The following SBF2 variants were observed in gnomAD, a reference collection of about 807,000 sequenced individuals.
SBF2 encodes the protein SET binding factor 2.
SBF2 carries 112 observed loss-of-function variants against 225.2 expected under a neutral mutation model. The ratio of observed to expected loss-of-function variants is 0.50; its 90% confidence interval spans 0.43 to 0.58. The LOEUF is 0.58. Among genes scored for constraint, SBF2 ranks in the 20% least tolerant of loss-of-function variants. The pLI, the probability that SBF2 is intolerant of heterozygous loss-of-function variation, is 0.00. For synonymous variants in SBF2, 763 were observed against 773.3 expected, an observed-to-expected ratio of 0.99 and a Z score of 0.22; for missense variants, 1,996 against 2,206.2, an observed-to-expected ratio of 0.90 and a Z score of 1.91.
At chr11:9,874,799 C>T (rs1204450108) in intron 17 of SBF2, among the ~76,000 whole-genome samples, 1 of 152,140 alleles carries the variant, frequency 6.6e-6, no homozygotes, top group African/African-American at 2.4e-5. Context: ...AAGCTCCTAG[C>T]TTAAGTTTAT....
rs562442446 is a variant in SBF2, at chr11:9,909,443, G to A, written c.1861-13432C>T. Among the ~76,000 whole-genome samples the A allele has an allele frequency of 4.5e-4, 68 of 152,014 alleles. 1 individual carries two copies. Among genetic ancestry groups the A allele is most frequent in the African/African-American group, 1.6e-3 (65 of 41,500 alleles). On this transcript the variant is annotated intron_variant, in intron 16 of 39. Coordinates refer to ENST00000256190, the MANE Select transcript of SBF2 (RefSeq NM_030962.4). ...TCCCAGCACTTTGGGAGGCCGAGGC[G>A]GGTGGATCATGAGGTCAGGAGATCG...
intron 1 of SBF2, among the ~76,000 whole-genome samples, chr11:10,249,690 A>G (rs1180350297): frequency 6.6e-6 from 1 of 150,988 alleles, no homozygotes; most frequent in East Asian, 2.0e-4. Flanking sequence ...CTGACTTCTA[A>G]CTTTGGAATG....
chr11:9,975,512 T>TG (rs1271231023), intron 13 of SBF2, among the ~76,000 whole-genome samples: 3 of 152,158 alleles, frequency 2.0e-5, no homozygotes, highest in African/African-American at 4.8e-5. Flanking sequence ...TAAGGAACTT[T>TG]GGGGGAGTGA....
intron 1 of SBF2, among the ~76,000 whole-genome samples, chr11:10,258,190 A>T (rs1352225798): frequency 4.0e-5 from 6 of 151,686 alleles, no homozygotes; most frequent in African/African-American, 1.5e-4. Flanking sequence ...TTGCATCCTC[A>T]AACTCCTGGG....
chr11:10,029,604 T>C (rs1398025669), intron 5 of SBF2, among the ~76,000 whole-genome samples, 161 bp downstream of exon 5: 1 of 152,212 alleles, frequency 6.6e-6, no homozygotes, highest in Non-Finnish European at 1.5e-5. Flanking sequence ...CTTGAGTGTC[T>C]AGAAAGCAGA....
At chr11:9,980,518 T>C (rs781440039) in intron 13 of SBF2, among the ~76,000 whole-genome samples, 2 of 152,266 alleles carry the variant, frequency 1.3e-5, no homozygotes, top group Non-Finnish European at 2.9e-5. Context: ...TCCCTTAATA[T>C]TACTGGCAGA....
intron 6 of SBF2, among the ~76,000 whole-genome samples, chr11:10,012,472 A>G (rs1174734590): frequency 6.6e-6 from 1 of 152,122 alleles, no homozygotes; most frequent in Non-Finnish European, 1.5e-5. Context: ...TCAATCTATA[A>G]TATCTATTTG....
intron 4 of SBF2, 54 bp from the exon 5 acceptor site, chr11:10,029,929 ATTG>A: frequency 8.1e-7 from 1 of 1,238,834 alleles, no homozygotes; most frequent in Non-Finnish European, 1.2e-6. Context: ...TTAAAAATAA[ATTG>A]TTATGACATC....
chr11:9,953,065 C>T (rs1229584989), intron 16 of SBF2, among the ~76,000 whole-genome samples: 1 of 152,238 alleles, frequency 6.6e-6, no homozygotes, highest in Non-Finnish European at 1.5e-5. Context: ...GATTCCTGCA[C>T]ATGAATGTTT....
In SBF2 at chr11:9,896,015, TAAGCAAAACA is replaced by T; in HGVS notation, c.1861-14_1861-5del. 6.2e-7 allele frequency: 1 copy of T among 1,610,802 alleles called. No individual in the cohort carries two copies. The highest frequency in any genetic ancestry group is 8.5e-7 in the Non-Finnish European group (1 of 1,177,318). ...ATTCTTCTAAACTTGAACAATCCTT[TAAGCAAAACA>T]AAGACAAAAGAGCATTAGGATATTT... On this transcript the variant is annotated splice_polypyrimidine_tract_variant and splice_region_variant and intron_variant, in intron 16 of 39. Coordinates refer to ENST00000256190, the MANE Select transcript of SBF2 (RefSeq NM_030962.4).
chr11:9,955,050 T>A (rs1866072714), intron 16 of SBF2, among the ~76,000 whole-genome samples: 1 of 152,064 alleles, frequency 6.6e-6, no homozygotes, highest in Admixed American at 6.5e-5. Context: ...GCTTTTCTTT[T>A]AGGGCAAGTT....
At chr11:10,133,962 A>T (rs1954226286) in intron 2 of SBF2, among the ~76,000 whole-genome samples, 1 of 152,254 alleles carries the variant, frequency 6.6e-6, no homozygotes, top group South Asian at 2.1e-4. Context: ...TGATAGGAAC[A>T]TCTTACGTAA....
At chr11:9,919,847 T>C (rs1863457260) in intron 16 of SBF2, among the ~76,000 whole-genome samples, 1 of 152,114 alleles carries the variant, frequency 6.6e-6, no homozygotes, top group Non-Finnish European at 1.5e-5. Flanking sequence ...TTCTCCTGCC[T>C]CAGCCTCTCA....
chr11:10,141,423 C>A (rs1019114850), intron 2 of SBF2, among the ~76,000 whole-genome samples: 1 of 152,160 alleles, frequency 6.6e-6, no homozygotes, highest in African/African-American at 2.4e-5. Flanking sequence ...GAGGCCATCT[C>A]CCCCTCTCTC....
In SBF2 at chr11:10,042,221, T is replaced by C. The variant is rs186465545; in HGVS notation, c.279+623A>G. Among the ~76,000 whole-genome samples the C allele has an allele frequency of 3.8e-3, 585 of 152,322 alleles. 4 individuals carry two copies. Among genetic ancestry groups the C allele is most frequent in the South Asian group, 5.2e-3 (25 of 4,824 alleles). ...GCTGGGCTGTTCCTAGTACCCAGAA[T>C]TGGTTCCCTGCTTGTCCCTCACCCC... On this transcript the variant is annotated intron_variant, in intron 3 of 39. Transcript: ENST00000256190.
rs772434817 is a variant in SBF2, at chr11:9,850,095, G to C, written c.2734C>G (p.Leu912Val). ...AGGAACAAGGCTCCTTCTGCTGGCA[G>C]GAGCTGAGGGCCTCCAAGAAGACCT... ...TGGLLGGPQL[L>V]PAEGALFLTT... Residue 912 changes from leucine to valine, a missense_variant, in exon 22 of 40, where the codon CTG (leucine) becomes GTG (valine). Physicochemically the swap from Leu to Val is conservative, Grantham distance 32. Transcript: ENST00000256190. 5.0e-6 allele frequency: 8 copies of C among 1,614,154 alleles called. No individual in the cohort carries two copies. The highest frequency in any genetic ancestry group is 1.1e-5 in the South Asian group (1 of 91,076).
chr11:9,970,004 T>C (rs1378041954), intron 13 of SBF2, among the ~76,000 whole-genome samples: 2 of 152,198 alleles, frequency 1.3e-5, no homozygotes, highest in South Asian at 2.1e-4. Flanking sequence ...ATGAACTTTT[T>C]AGTCATCTAG....
chr11:9,913,497 C>A (rs1862817782), intron 16 of SBF2, among the ~76,000 whole-genome samples: 1 of 151,968 alleles, frequency 6.6e-6, no homozygotes, highest in Admixed American at 6.6e-5. Flanking sequence ...AACATTTGAC[C>A]TCATTTAATA....
intron 2 of SBF2, among the ~76,000 whole-genome samples, chr11:10,143,081 C>G (rs1954721306): frequency 6.6e-6 from 1 of 152,176 alleles, no homozygotes; most frequent in African/African-American, 2.4e-5. Flanking sequence ...ATTGCCAATT[C>G]TACCCACTTT....
Sources: gnomAD v4.1 joint callset for allele counts (sites outside exome capture counted in the v4.1 genomes callset) on GRCh38, gnomAD v4.1.1 for gene constraint, MANE v1.5 for transcripts, NCBI Gene and HGNC (gene_info 2026-07-23, HGNC 2026-07-21) for gene names.